Variants in GALNTL6 observed in about 807,000 individuals in gnomAD.
GALNTL6 encodes polypeptide N-acetylgalactosaminyltransferase-like 6.
GALNTL6 carries 46 observed loss-of-function variants against 73.7 expected under a neutral mutation model. The observed-to-expected ratio is 0.62, with a 90% CI of 0.49 to 0.80. The LOEUF (loss-of-function observed/expected upper bound fraction) is 0.80. GALNTL6 is among the 30% of genes least tolerant of loss of function. The pLI is 0.00. For missense variants in GALNTL6, 604 were observed against 755.0 expected (o/e 0.80, Z 2.34); for synonymous variants, 259 against 263.7 (o/e 0.98, Z 0.17).
At chr4:172,244,356 A>G (rs1287355084) in intron 3 of GALNTL6, among the ~76,000 whole-genome samples, 2 of 152,176 alleles carry the variant, frequency 1.3e-5, no homozygotes, top group East Asian at 3.8e-4. Flanking sequence ...AAATAAAAAC[A>G]GCAGTGTAGA....
intron 10 of GALNTL6, among the ~76,000 whole-genome samples, chr4:172,997,650 A>T (rs1751855024): frequency 6.6e-6 from 1 of 152,118 alleles, no homozygotes; most frequent in Non-Finnish European, 1.5e-5. Flanking sequence ...GAGTGGGGGC[A>T]GGGGGAAGGG....
intron 5 of GALNTL6, among the ~76,000 whole-genome samples, chr4:172,769,927 C>T (rs2110859206): frequency 1.3e-5 from 2 of 152,266 alleles, no homozygotes; most frequent in Admixed American, 1.3e-4. Flanking sequence ...CCTTAGCTTT[C>T]TTACCTGCAT....
chr4:172,886,118 G>A lies in GALNTL6; in HGVS notation c.1041+3211G>A, dbSNP rs1301287517. Among the ~76,000 whole-genome samples the A allele has an allele frequency of 9.9e-5, 15 of 152,236 alleles. No homozygotes were observed. In the East Asian group the frequency reaches 2.9e-3, roughly 29 times the overall value. ...TTTTGAAATAGTTTCAGTAGAATTG[G>A]TATTAGTTCTTCCTTAAAAGTTTGG... On this transcript the variant is annotated intron_variant, in intron 8 of 12. Coordinates refer to ENST00000506823, the MANE Select transcript of GALNTL6 (RefSeq NM_001034845.3).
intron 2 of GALNTL6, among the ~76,000 whole-genome samples, chr4:171,973,797 T>C (rs1257335075): frequency 6.6e-6 from 1 of 152,174 alleles, no homozygotes; most frequent in Non-Finnish European, 1.5e-5. Context: ...ATTATCGTTA[T>C]AGAGACATGT....
At chr4:172,353,450 G>T (rs957898624) in intron 5 of GALNTL6, among the ~76,000 whole-genome samples, 1 of 152,086 alleles carries the variant, frequency 6.6e-6, no homozygotes, top group Non-Finnish European at 1.5e-5. Flanking sequence ...AGTTTGTAAA[G>T]GACATCGACA....
At position 172,500,688 on chromosome 4, in the gene GALNTL6, T is replaced by C. The variant is rs571061720; in HGVS notation, c.553+151999T>C. ...CAGCTTAAGGAAGTTTTTTTTTTTGTTTTTTGTTTTTTTAAAGAAAGGAAA... is the reference window on the plus strand; with the variant it reads ...CAGCTTAAGGAAGTTTTTTTTTTTGCTTTTTGTTTTTTTAAAGAAAGGAAA... On this transcript the variant is annotated intron_variant, in intron 5 of 12. Transcript: ENST00000506823. 4.6e-5 allele frequency among the ~76,000 whole-genome samples: 7 copies of C among 151,982 alleles called. No homozygotes were observed. The South Asian group carries it at 1.5e-3, about 32-fold the overall frequency.
At chr4:172,861,531 A>G (rs1017005102) in intron 7 of GALNTL6, among the ~76,000 whole-genome samples, 3 of 152,222 alleles carry the variant, frequency 2.0e-5, no homozygotes, top group African/African-American at 7.2e-5. Flanking sequence ...ATTACATGTA[A>G]GAATGAGCCT....
At chr4:172,929,972 A>G (rs1347190317) in intron 8 of GALNTL6, among the ~76,000 whole-genome samples, 1 of 152,120 alleles carries the variant, frequency 6.6e-6, no homozygotes, top group Non-Finnish European at 1.5e-5. Flanking sequence ...TTTTGTTACT[A>G]AATATAAAAG....
intron 2 of GALNTL6, among the ~76,000 whole-genome samples, chr4:171,976,566 A>G (rs1259040615): frequency 6.6e-6 from 1 of 152,240 alleles, no homozygotes; most frequent in Non-Finnish European, 1.5e-5. Flanking sequence ...GGTAAAGTTA[A>G]CAAGAAGAGT....
chr4:171,933,810 T>A (rs1738260537), intron 2 of GALNTL6, among the ~76,000 whole-genome samples: 2 of 152,172 alleles, frequency 1.3e-5, no homozygotes, highest in South Asian at 4.1e-4. Context: ...CTCTATAACC[T>A]ATGATTCCAG....
intron 2 of GALNTL6, among the ~76,000 whole-genome samples, chr4:172,134,331 G>A (rs1419980929): frequency 2.6e-5 from 4 of 151,466 alleles, no homozygotes. Flanking sequence ...TTTGCAGTGA[G>A]CCGAGATCAC....
chr4:172,564,775 G>C (rs1447492484), intron 5 of GALNTL6, among the ~76,000 whole-genome samples: 1 of 152,230 alleles, frequency 6.6e-6, no homozygotes, highest in Non-Finnish European at 1.5e-5. Flanking sequence ...GGAGAATCCA[G>C]AGAGACAGAG....
intron 10 of GALNTL6, among the ~76,000 whole-genome samples, chr4:172,997,691 T>C (rs539380306): frequency 6.6e-6 from 1 of 152,238 alleles, no homozygotes; most frequent in South Asian, 2.1e-4. Context: ...AGTACAAACA[T>C]GCAGTAAGAT....
intron 5 of GALNTL6, among the ~76,000 whole-genome samples, chr4:172,427,401 C>G (rs995290587): frequency 6.6e-6 from 1 of 152,020 alleles, no homozygotes; most frequent in Non-Finnish European, 1.5e-5. Context: ...TGGGAAAGAC[C>G]TGCCCAGATG....
At chr4:171,922,456 AC>A (rs1737821162) in intron 2 of GALNTL6, among the ~76,000 whole-genome samples, 2 of 152,106 alleles carry the variant, frequency 1.3e-5, no homozygotes, top group African/African-American at 4.8e-5. Context: ...ACAATCTGGT[AC>A]TAATAAGAAC....
At chr4:172,414,119 A>G (rs1192073885) in intron 5 of GALNTL6, among the ~76,000 whole-genome samples, 1 of 152,062 alleles carries the variant, frequency 6.6e-6, no homozygotes, top group African/African-American at 2.4e-5. Context: ...TTCTTACCTG[A>G]TCACAAGGTA....
chr4:171,996,428 A>G (rs1166837479), intron 2 of GALNTL6, among the ~76,000 whole-genome samples: 1 of 152,044 alleles, frequency 6.6e-6, no homozygotes, highest in African/African-American at 2.4e-5. Flanking sequence ...GACCTAAGTT[A>G]TGTCAATACC....
At chr4:172,760,817 C>T (rs4423855) in intron 5 of GALNTL6, among the ~76,000 whole-genome samples, 55,006 of 152,020 alleles carry the variant, frequency 0.36, 10,942 homozygotes, top group African/African-American at 0.52. Flanking sequence ...AGGAGGACCT[C>T]TCATGCCTCG....
intron 8 of GALNTL6, among the ~76,000 whole-genome samples, chr4:172,916,958 G>A (rs1402250968): frequency 2.6e-5 from 4 of 152,146 alleles, no homozygotes; most frequent in Admixed American, 2.6e-4. Flanking sequence ...TGAGCAAAAA[G>A]AACAAAGCTG....
Sources: gnomAD v4.1 joint callset for allele counts (sites outside exome capture counted in the v4.1 genomes callset) on GRCh38, gnomAD v4.1.1 for gene constraint, MANE v1.5 for transcripts, NCBI Gene and HGNC (gene_info 2026-07-23, HGNC 2026-07-21) for gene names.